KMT2C: variants seen among roughly 807,000 people sequenced by gnomAD.
The protein encoded by KMT2C is histone-lysine N-methyltransferase 2C.
In KMT2C, 88 loss-of-function variants were observed where a neutral mutation model predicts 507.9. The observed-to-expected ratio is 0.17, with a 90% CI of 0.15 to 0.21. The LOEUF is 0.21. Ranked by LOEUF, KMT2C falls within the 10% of genes least tolerant of loss-of-function variation. The pLI, the probability that KMT2C is intolerant of heterozygous loss-of-function variation, is 1.00. For missense variants in KMT2C, 4,954 were observed against 5,957.8 expected (o/e 0.83, Z 5.55); for synonymous variants, 2,049 against 2,080.8 (o/e 0.98, Z 0.42).
intron 36 of KMT2C, 53 bp from the exon 37 acceptor site, chr7:152,180,179 T>C: frequency 1.9e-6 from 3 of 1,581,814 alleles, no homozygotes; most frequent in Middle Eastern, 1.7e-4. Context: ...AATGGCTTTT[T>C]AAAGGTTACT....
intron 2 of KMT2C, among the ~76,000 whole-genome samples, chr7:152,331,642 A>AT (rs34778581): frequency 0.069 from 6,827 of 99,340 alleles, 697 homozygotes; most frequent in Non-Finnish European, 0.11. Flanking sequence ...CAACAAAAAG[A>AT]TTTTTTTTTT....
At chr7:152,295,624 C>T (rs1048888876) in intron 6 of KMT2C, among the ~76,000 whole-genome samples, 1 of 152,154 alleles carries the variant, frequency 6.6e-6, no homozygotes, top group Non-Finnish European at 1.5e-5. Context: ...ATATCCATTC[C>T]CCCTTTTTCC....
intron 1 of KMT2C, among the ~76,000 whole-genome samples, chr7:152,414,271 G>A (rs911408459): frequency 2.0e-5 from 3 of 149,862 alleles, no homozygotes; most frequent in African/African-American, 7.4e-5. Context: ...GCTCACACCT[G>A]TAATCCCAGC....
intron 23 of KMT2C, among the ~76,000 whole-genome samples, chr7:152,213,119 T>C (rs1036121769): frequency 1.3e-5 from 2 of 152,186 alleles, no homozygotes; most frequent in Admixed American, 6.5e-5. Flanking sequence ...TGGAAGAATA[T>C]TGTTAAAATG....
intron 23 of KMT2C, among the ~76,000 whole-genome samples, chr7:152,209,454 C>CAAAAAA (rs71198766): frequency 2.8e-5 from 2 of 70,926 alleles, no homozygotes; most frequent in African/African-American, 4.8e-5. Flanking sequence ...GACTCCGTCT[C>CAAAAAA]AAAAAAAAAA....
At chr7:152,380,091 G>T (rs1168255389) in intron 1 of KMT2C, among the ~76,000 whole-genome samples, 1 of 152,294 alleles carries the variant, frequency 6.6e-6, no homozygotes, top group Non-Finnish European at 1.5e-5. Flanking sequence ...ACTTAGCCAG[G>T]GGTGGCAGCA....
chr7:152,185,151 T>C (rs1341975484), intron 34 of KMT2C, among the ~76,000 whole-genome samples: 1 of 152,212 alleles, frequency 6.6e-6, no homozygotes, highest in Non-Finnish European at 1.5e-5. Context: ...TTAAAAACAA[T>C]GACAAGGGAA....
At chr7:152,254,978 G>A (rs2095620926) in intron 9 of KMT2C, among the ~76,000 whole-genome samples, 1 of 151,394 alleles carries the variant, frequency 6.6e-6, no homozygotes, top group African/African-American at 2.4e-5. Flanking sequence ...AAGCTTAAAT[G>A]TTGAAAATCA....
rs1322797178 is a variant in KMT2C, at chr7:152,435,906, T to C, written c.-120A>G. The C allele has an allele frequency of 9.0e-6, 10 of 1,117,164 alleles. No homozygotes were observed. Among genetic ancestry groups the C allele is most frequent in the Non-Finnish European group, 1.2e-5 (10 of 829,062 alleles). The allele number at this position is 1,117,164 out of a possible 1,614,324, so 69.2% of individuals were successfully genotyped here. A position where few individuals can be genotyped will look rare whatever the true frequency, so the allele number is the denominator to read the frequency against. On this transcript the variant is annotated 5_prime_UTR_variant, in exon 1 of 59. Coordinates refer to ENST00000262189, the MANE Select transcript of KMT2C (RefSeq NM_170606.3). ...TCCTCCCCGGCTCAGCCTCTCGCATTTCCCGCAGCCCCGGGAGCAGCAGCA... is the reference window on the plus strand; with the variant it reads ...TCCTCCCCGGCTCAGCCTCTCGCATCTCCCGCAGCCCCGGGAGCAGCAGCA...
At chr7:152,391,521 C>T (rs1350503142) in intron 1 of KMT2C, among the ~76,000 whole-genome samples, 2 of 147,494 alleles carry the variant, frequency 1.4e-5, no homozygotes, top group Non-Finnish European at 3.0e-5. Flanking sequence ...GGATTACAGA[C>T]ATGAGCCACT....
intron 4 of KMT2C, among the ~76,000 whole-genome samples, chr7:152,314,718 G>C (rs2096707511): frequency 1.3e-5 from 2 of 151,960 alleles, no homozygotes; most frequent in African/African-American, 4.8e-5. Flanking sequence ...ACCAATTCTG[G>C]ATTTGCTATT....
intron 2 of KMT2C, among the ~76,000 whole-genome samples, chr7:152,332,103 GA>G (rs1485338168): frequency 6.6e-6 from 1 of 152,050 alleles, no homozygotes; most frequent in African/African-American, 2.4e-5. Context: ...CTTAATATTT[GA>G]AAAGGACAAA....
chr7:152,206,666 T>A (rs1042885751), intron 24 of KMT2C, among the ~76,000 whole-genome samples: 36 of 152,092 alleles, frequency 2.4e-4, no homozygotes, highest in Middle Eastern at 3.4e-3. Flanking sequence ...GGGAAAAAAA[T>A]TTTTTAAATA....
chr7:152,190,843 C>T lies in KMT2C; in HGVS notation c.4661-2996G>A, dbSNP rs2093769772. On this transcript the variant is annotated intron_variant, in intron 31 of 58. Coordinates refer to ENST00000262189, the MANE Select transcript of KMT2C (RefSeq NM_170606.3). ...TTGAAGTTACTCCACTGAAGATTAG[C>T]AACAACCTTCCCATGGTCCAATGAA... Among the ~76,000 whole-genome samples, 2 of 152,150 alleles carry T rather than the reference C, an allele frequency of 1.3e-5. 1 individual carries two copies. Among genetic ancestry groups the T allele is most frequent in the South Asian group, 4.1e-4 (2 of 4,828 alleles).
intron 2 of KMT2C, among the ~76,000 whole-genome samples, chr7:152,338,553 C>G (rs1331551843): frequency 6.6e-6 from 1 of 152,148 alleles, no homozygotes; most frequent in Non-Finnish European, 1.5e-5. Flanking sequence ...AAGGATAAAT[C>G]AAAGTGTGCC....
intron 4 of KMT2C, among the ~76,000 whole-genome samples, chr7:152,314,665 A>T (rs903402812): frequency 1.1e-4 from 16 of 152,148 alleles, no homozygotes; most frequent in African/African-American, 3.9e-4. Flanking sequence ...AAATGACTGA[A>T]TGGATTGATG....
In KMT2C at chr7:152,224,047, T is replaced by C. The variant is rs772329116; in HGVS notation, c.3291A>G (p.Glu1097=). Residue 1097 remains glutamate, a synonymous_variant, in exon 20 of 59, where the codon GAA becomes GAG. Transcript: ENST00000262189. ...CPVCYRNYRE[E]DLILQCRQCD... ...ATTGTCTACATTGCAGAATAAGATC[T>C]TCTTCTCTATAGTTTCGATAGCAGA... The C allele has an allele frequency of 6.2e-7, 1 of 1,611,080 alleles. No homozygotes were observed. The highest frequency in any genetic ancestry group is 8.5e-7 in the Non-Finnish European group (1 of 1,179,214).
At chr7:152,257,541 C>T (rs2095680870) in intron 9 of KMT2C, among the ~76,000 whole-genome samples, 3 of 152,092 alleles carry the variant, frequency 2.0e-5, no homozygotes, top group Admixed American at 2.0e-4. Flanking sequence ...TGAGAGCAAA[C>T]TGAAGCAGAC....
chr7:152,270,715 T>C (rs1407691054), intron 7 of KMT2C, among the ~76,000 whole-genome samples: 1 of 152,200 alleles, frequency 6.6e-6, no homozygotes, highest in Non-Finnish European at 1.5e-5. Context: ...GTATATCTGG[T>C]TGTATCTACT....
Sources: gnomAD v4.1 joint callset for allele counts (sites outside exome capture counted in the v4.1 genomes callset) on GRCh38, gnomAD v4.1.1 for gene constraint, MANE v1.5 for transcripts, NCBI Gene and HGNC (gene_info 2026-07-23, HGNC 2026-07-21) for gene names.